SMIM28: variants seen among roughly 807,000 people sequenced by gnomAD.
The protein encoded by SMIM28 is small integral membrane protein 28.
At position 138,382,774 on chromosome 6, in the gene SMIM28, T is replaced by C. The variant is rs571238678; in HGVS notation, c.386T>C (p.Leu129Ser). Reference protein sequence around the residue: ...PPEATLPSQCLPPSYEEATRN... With the variant: ...PPEATLPSQCSPPSYEEATRN... ...GAGGCCACTCTCCCCTCCCAGTGTT[T>C]ACCGCCCTCCTACGAAGAGGCCACC... is the stretch of plus-strand genomic sequence containing the variant. The change falls in exon 2 of 2, where the codon TTA becomes TCA. Residue 129 changes from leucine (L) to serine (S), a missense_variant. Leu to Ser is a moderately radical substitution (Grantham distance 145). Coordinates refer to ENST00000573100, the MANE Select transcript of SMIM28 (RefSeq NM_001368163.3). 2.5e-6 allele frequency: 1 copy of C among 398,600 alleles called. No individual in the cohort carries two copies. The highest frequency in any genetic ancestry group is 3.6e-5 in the East Asian group (1 of 28,062). The allele number at this position is 398,600 out of a possible 1,614,324, so 24.7% of individuals were successfully genotyped here. A position where few individuals can be genotyped will look rare whatever the true frequency, so the allele number is the denominator to read the frequency against.
chr6:138,378,625 C>G (rs769203737), intron 1 of SMIM28, among the ~76,000 whole-genome samples: 1 of 152,160 alleles, frequency 6.6e-6, no homozygotes. Context: ...TCAGGTAAGA[C>G]AGCAGGGGGT....
intron 1 of SMIM28, 50 bp downstream of exon 1, chr6:138,378,233 T>C (rs374593743): frequency 2.5e-6 from 1 of 398,464 alleles, no homozygotes. Context: ...TCTTCATCAG[T>C]TTTAAAATCC....
At chr6:138,380,542 C>T (rs1359103945) in intron 1 of SMIM28, among the ~76,000 whole-genome samples, 6 of 151,934 alleles carry the variant, frequency 3.9e-5, no homozygotes, top group Non-Finnish European at 7.4e-5. Context: ...CTGAGGTGGG[C>T]GGATCATGAG....
At chr6:138,382,414 A>AG (rs1235059715) in intron 1 of SMIM28, 86 bp from the exon 2 acceptor site, 33 of 341,344 alleles carry the variant, frequency 9.7e-5, no homozygotes, top group African/African-American at 3.3e-4. Context: ...AAAAAAAAAA[A>AG]AAAGAAAGAA....
chr6:138,379,679 T>C (rs1774291912), intron 1 of SMIM28, among the ~76,000 whole-genome samples: 1 of 152,168 alleles, frequency 6.6e-6, no homozygotes, highest in Non-Finnish European at 1.5e-5. Context: ...ATTAAAAATG[T>C]TAAAACTTTT....
chr6:138,381,727 C>T (rs1463788186), intron 1 of SMIM28, among the ~76,000 whole-genome samples: 1 of 152,154 alleles, frequency 6.6e-6, no homozygotes, highest in Non-Finnish European at 1.5e-5. Context: ...GTGCTATGAA[C>T]ACATAATGAG....
chr6:138,378,805 A>T (rs1774283877), intron 1 of SMIM28, among the ~76,000 whole-genome samples: 1 of 152,230 alleles, frequency 6.6e-6, no homozygotes. Flanking sequence ...ACCGCCGACA[A>T]CACAAGAAAG....
intron 1 of SMIM28, among the ~76,000 whole-genome samples, chr6:138,380,584 G>A (rs1165283012): frequency 1.3e-5 from 2 of 152,020 alleles, no homozygotes; most frequent in South Asian, 2.1e-4. Flanking sequence ...TGGCTAACAC[G>A]GTGAAACCCC....
chr6:138,381,165 C>G (rs1774308507), intron 1 of SMIM28, among the ~76,000 whole-genome samples: 1 of 152,042 alleles, frequency 6.6e-6, no homozygotes, highest in South Asian at 2.1e-4. Context: ...CTCAGCCTCC[C>G]GAAGTCCTGG....
intron 1 of SMIM28, among the ~76,000 whole-genome samples, chr6:138,380,653 G>C (rs1365157857): frequency 6.6e-6 from 1 of 152,086 alleles, no homozygotes; most frequent in Non-Finnish European, 1.5e-5. Context: ...TGTAGTCCCA[G>C]CTACTTGGGA....
chr6:138,379,588 G>T (rs1362155236), intron 1 of SMIM28, among the ~76,000 whole-genome samples: 1 of 152,068 alleles, frequency 6.6e-6, no homozygotes, highest in Non-Finnish European at 1.5e-5. Flanking sequence ...GCTTATCAGG[G>T]TTTAAGTATT....
rs59155652 is a variant in SMIM28, at chr6:138,382,396, CAAAAAAAAA to C, written c.112-91_112-83del. 160 of 147,594 alleles carry C rather than the reference CAAAAAAAAA, an allele frequency of 1.1e-3. 2 individuals are homozygous for C. The East Asian group carries it at 0.012, about 11-fold the overall frequency. 9.1% of individuals were successfully genotyped at this position (147,594 alleles called of 1,614,324 possible). A position where few individuals can be genotyped will look rare whatever the true frequency, so the allele number is the denominator to read the frequency against. ...TGGGTGACGGAGCAAGACTGTGTCT[CAAAAAAAAA>C]AAAAAAAAAAAAGAAAGAAAGAAAG... On this transcript the variant is annotated intron_variant, in intron 1 of 1. Coordinates refer to ENST00000573100, the MANE Select transcript of SMIM28 (RefSeq NM_001368163.3).
chr6:138,380,566 G>C (rs1024512392), intron 1 of SMIM28, among the ~76,000 whole-genome samples: 1 of 152,248 alleles, frequency 6.6e-6, no homozygotes, highest in African/African-American at 2.4e-5. Context: ...AGGAGATCGA[G>C]ACCATCCTGG....
rs952018064 is a variant in SMIM28, at chr6:138,382,608, C to T, written c.220C>T (p.Arg74Cys). 2.5e-5 allele frequency: 10 copies of T among 398,780 alleles called. No individual in the cohort carries two copies. The highest frequency in any genetic ancestry group is 4.1e-5 in the African/African-American group (2 of 48,544). The allele number at this position is 398,780 out of a possible 1,614,324, so 24.7% of individuals were successfully genotyped here. Residue 74 changes from arginine to cysteine, a missense_variant, in exon 2 of 2, where the codon CGC (arginine) becomes TGC (cysteine). Transcript: ENST00000573100. The stretch of plus-strand genomic sequence containing the variant: ...GGCATTTCTGCTGCTGTTCCTGTAC[C>T]GCCGCTGCAAGTCCCCACCGCCCCA... ...FLAFLLLFLY[R>C]RCKSPPPQGQ...
At chr6:138,380,821 G>A (rs1774304107) in intron 1 of SMIM28, among the ~76,000 whole-genome samples, 1 of 151,728 alleles carries the variant, frequency 6.6e-6, no homozygotes, top group East Asian at 1.9e-4. Flanking sequence ...CTCCTAAGAG[G>A]TAATGACCTG....
intron 1 of SMIM28, among the ~76,000 whole-genome samples, chr6:138,381,951 T>A (rs1774317383): frequency 6.6e-6 from 1 of 152,274 alleles, no homozygotes; most frequent in Non-Finnish European, 1.5e-5. Context: ...CTTTTTGACA[T>A]ATACTTTTCT....
chr6:138,380,882 T>C (rs1774304966), intron 1 of SMIM28, among the ~76,000 whole-genome samples: 2 of 151,868 alleles, frequency 1.3e-5, no homozygotes, highest in Non-Finnish European at 1.5e-5. Context: ...TCATCTCTCA[T>C]AGTTTATGAG....
intron 1 of SMIM28, among the ~76,000 whole-genome samples, chr6:138,380,418 T>C (rs945252672): frequency 6.6e-6 from 1 of 152,142 alleles, no homozygotes; most frequent in South Asian, 2.1e-4. Context: ...ACCACACACA[T>C]AGTTATAAAG....
chr6:138,382,429 A>AG, intron 1 of SMIM28, 71 bp from the exon 2 acceptor site: 1 of 368,168 alleles, frequency 2.7e-6, no homozygotes, highest in Non-Finnish European at 4.7e-6. Context: ...AAAGAAAGAA[A>AG]GAAAAAAAAA....
Sources: allele counts gnomAD v4.1 joint callset (sites outside exome capture counted in the v4.1 genomes callset), GRCh38; gene constraint gnomAD v4.1.1; transcripts MANE v1.5; gene names NCBI Gene and HGNC (gene_info 2026-07-23, HGNC 2026-07-21).